The following DNAJC27 variants were observed in gnomAD, a reference collection of about 807,000 sequenced individuals.
The protein encoded by DNAJC27 is dnaJ homolog subfamily C member 27.
In DNAJC27, 25 loss-of-function variants were observed where a neutral mutation model predicts 31.4. The observed-to-expected ratio is 0.80, with a 90% confidence interval of 0.58 to 1.11. The LOEUF (loss-of-function observed/expected upper bound fraction) is 1.11, where lower values mean the gene tolerates loss of function less well. DNAJC27 is among the 50% of genes most tolerant of loss of function. The pLI, the probability that DNAJC27 is intolerant of heterozygous loss-of-function variation, is 0.00. For missense variants in DNAJC27, 356 were observed against 347.3 expected (o/e 1.02, Z -0.20); for synonymous variants, 106 against 112.7 (o/e 0.94, Z 0.37).
At position 24,951,528 on chromosome 2, in the gene DNAJC27, T is replaced by A; in HGVS notation, c.555A>T (p.Leu185Phe). The A allele has an allele frequency of 6.2e-7, 1 of 1,613,470 alleles. No individual in the cohort carries two copies. Among genetic ancestry groups the A allele is most frequent in the Non-Finnish European group, 8.5e-7 (1 of 1,179,674 alleles). Residue 185 changes from leucine (L) to phenylalanine (F), a missense_variant, in exon 6 of 7, where the codon TTA becomes TTT. Transcript: ENST00000264711. The part of the protein sequence containing the change: ...FQTFYISIVD[L>F]CENGGKRPTT... ...TAGGGCGTTTCCCGCCATTTTCACATAAATCAACTATGGATATATAAAAGG... is the reference window on the plus strand; with the variant it reads ...TAGGGCGTTTCCCGCCATTTTCACAAAAATCAACTATGGATATATAAAAGG...
Position 24,952,022 on chromosome 2 carries a change from G to A in DNAJC27, c.529-468C>T, listed in dbSNP as rs111255570. On this transcript the variant is annotated intron_variant, in intron 5 of 6. Coordinates refer to ENST00000264711, the MANE Select transcript of DNAJC27 (RefSeq NM_016544.3). Reference sequence around the variant, plus strand: ...CTCAGATACTTGGGTGGCTGAGGTCGGAGGATGCTTGAGCCCAGGAAGTGA... The same window carrying A: ...CTCAGATACTTGGGTGGCTGAGGTCAGAGGATGCTTGAGCCCAGGAAGTGA... Among the ~76,000 whole-genome samples, 1,108 of 152,230 alleles carry A rather than the reference G, an allele frequency of 7.3e-3. 9 individuals are homozygous for A. The highest frequency in any genetic ancestry group is 0.024 in the Middle Eastern group (7 of 294).
intron 2 of DNAJC27, among the ~76,000 whole-genome samples, chr2:24,964,244 C>A (rs1472173975): frequency 1.3e-5 from 2 of 151,838 alleles, no homozygotes; most frequent in Non-Finnish European, 2.9e-5. Context: ...CATAGTGAAA[C>A]CCCGTCCCTA....
intron 5 of DNAJC27, among the ~76,000 whole-genome samples, chr2:24,956,620 C>T (rs985677163): frequency 6.6e-6 from 1 of 152,126 alleles, no homozygotes; most frequent in Non-Finnish European, 1.5e-5. Flanking sequence ...ATACCATTAG[C>T]CAAAGGTAGC....
At chr2:24,950,174 T>C (rs1040854789) in intron 6 of DNAJC27, among the ~76,000 whole-genome samples, 1 of 152,108 alleles carries the variant, frequency 6.6e-6, no homozygotes, top group African/African-American at 2.4e-5. Flanking sequence ...TAAAGCATCC[T>C]CAATATCACC....
In DNAJC27 at chr2:24,964,252, C is replaced by A. The variant is rs564793929; in HGVS notation, c.171-778G>T. 2.0e-5 allele frequency among the ~76,000 whole-genome samples: 3 copies of A among 151,778 alleles called. No individual in the cohort carries two copies. The East Asian group carries it at 5.8e-4, about 29-fold the overall frequency. On this transcript the variant is annotated intron_variant, in intron 2 of 6. Transcript: ENST00000264711. ...TGGCTAACATAGTGAAACCCCGTCCCTACTAAAAAAATAAAAAAAATTAGC... is the reference window on the plus strand; with the variant it reads ...TGGCTAACATAGTGAAACCCCGTCCATACTAAAAAAATAAAAAAAATTAGC...
intron 3 of DNAJC27, 103 bp downstream of exon 3, chr2:24,963,302 A>G (rs1403198761): frequency 3.4e-6 from 3 of 893,780 alleles, no homozygotes; most frequent in African/African-American, 3.3e-5. Flanking sequence ...AAATTATGCA[A>G]TTTTACACAT....
rs1440605571 is a variant in DNAJC27 at position 24,951,390 on chromosome 2, T to C, written c.689+4A>G. The C allele has an allele frequency of 6.2e-7, 1 of 1,608,800 alleles. No individual in the cohort carries two copies. Among genetic ancestry groups the C allele is most frequent in the African/African-American group, 1.3e-5 (1 of 74,850 alleles). On this transcript the variant is annotated splice_donor_region_variant and intron_variant, in intron 6 of 6. Transcript: ENST00000264711. ...ATCAGCACTAAGTATCCCAGAGCGC[T>C]TACCTTGAGGCCCCAGGTTTGACTC...
chr2:24,963,103 TA>T (rs1422337323), intron 3 of DNAJC27: 6 of 301,208 alleles, frequency 2.0e-5, no homozygotes, highest in Non-Finnish European at 3.1e-5. Context: ...TAAATGTAAT[TA>T]TTTTTTTTTT....
rs1025507465 is a variant in DNAJC27, at chr2:24,957,857, G to A, written c.358C>T (p.Pro120Ser). The A allele has an allele frequency of 6.2e-7, 1 of 1,614,140 alleles. No individual in the cohort carries two copies. Among genetic ancestry groups the A allele is most frequent in the Non-Finnish European group, 8.5e-7 (1 of 1,180,000 alleles). ...WLAEMKQELG[P>S]HGNMENIIFV... ...ATAATATTTTCCATGTTTCCATGAGGTCCAAGCTCTTGCTTCATTTCTGCC... is the reference window on the plus strand; with the variant it reads ...ATAATATTTTCCATGTTTCCATGAGATCCAAGCTCTTGCTTCATTTCTGCC... Residue 120 changes from proline to serine, a missense_variant, in exon 4 of 7, where the codon CCT becomes TCT. Pro to Ser is a moderately conservative substitution (Grantham distance 74). Transcript: ENST00000264711.
At chr2:24,948,949 C>T (rs1665706019) in intron 6 of DNAJC27, among the ~76,000 whole-genome samples, 1 of 152,182 alleles carries the variant, frequency 6.6e-6, no homozygotes, top group Non-Finnish European at 1.5e-5. Context: ...TGTGGCTCTC[C>T]AAGTCAGATG....
At position 24,963,363 on chromosome 2, in the gene DNAJC27, C is replaced by G. The variant is rs548797143; in HGVS notation, c.240+42G>C. 9 of 1,515,200 alleles carry G rather than the reference C, an allele frequency of 5.9e-6. No individual in the cohort carries two copies. In the South Asian group the frequency reaches 9.2e-5, roughly 16 times the overall value. The allele number at this position is 1,515,200 out of a possible 1,614,324, so 93.9% of individuals were successfully genotyped here. On this transcript the variant is annotated intron_variant, in intron 3 of 6. Transcript: ENST00000264711. ...AATTCTGGATCTCTCCCCAAACCACCAACAATACTGGATATAGGTTTTGTC... is the reference window on the plus strand; with the variant it reads ...AATTCTGGATCTCTCCCCAAACCACGAACAATACTGGATATAGGTTTTGTC...
Position 24,944,303 on chromosome 2 carries a change from T to C in DNAJC27, c.*3313A>G, listed in dbSNP as rs1057400707. 3.3e-5 allele frequency: 5 copies of C among 150,438 alleles called. No homozygotes were observed. Among genetic ancestry groups the C allele is most frequent in the African/African-American group, 1.2e-4 (5 of 40,910 alleles). The allele number at this position is 150,438 out of a possible 1,614,324, so 9.3% of individuals were successfully genotyped here. A position where few individuals can be genotyped will look rare whatever the true frequency, so the allele number is the denominator to read the frequency against. On this transcript the variant is annotated 3_prime_UTR_variant, in exon 7 of 7. Transcript: ENST00000264711. ...TCCACCTTTCTAACTTTTGGCAAAA[T>C]CCCTCCCTTCCCCTTGTGATGTTGT...
At chr2:24,970,370 T>C (rs910703468) in intron 1 of DNAJC27, among the ~76,000 whole-genome samples, 2 of 152,020 alleles carry the variant, frequency 1.3e-5, no homozygotes, top group Non-Finnish European at 2.9e-5. Context: ...TTGCACTGGC[T>C]AATAAAACTA....
chr2:24,951,617 G>T, intron 5 of DNAJC27, 63 bp from the exon 6 acceptor site: 2 of 1,455,488 alleles, frequency 1.4e-6, no homozygotes, highest in Non-Finnish European at 9.4e-7. Flanking sequence ...TTCCTTTTAA[G>T]CATCAACTTA....
chr2:24,965,556 A>G (rs1666161151), intron 2 of DNAJC27, among the ~76,000 whole-genome samples: 1 of 152,174 alleles, frequency 6.6e-6, no homozygotes, highest in African/African-American at 2.4e-5. Context: ...GTGCCAAGCC[A>G]GAAATGTGAA....
intron 6 of DNAJC27, among the ~76,000 whole-genome samples, chr2:24,950,485 A>T (rs1414994882): frequency 1.3e-5 from 2 of 152,242 alleles, no homozygotes; most frequent in Non-Finnish European, 1.5e-5. Flanking sequence ...TTTTTGTACA[A>T]GCAACAAAGA....
At chr2:24,951,731 T>C (rs1257957702) in intron 5 of DNAJC27, among the ~76,000 whole-genome samples, 177 bp from the exon 6 acceptor site, 1 of 152,024 alleles carries the variant, frequency 6.6e-6, no homozygotes, top group Non-Finnish European at 1.5e-5. Flanking sequence ...TATATATTCA[T>C]ATATTTTAAT....
chr2:24,971,700 G>T, intron 1 of DNAJC27, 118 bp downstream of exon 1: 3 of 841,374 alleles, frequency 3.6e-6, no homozygotes, highest in African/African-American at 1.8e-5. Context: ...TGAGACCCGG[G>T]CCTGCTCGGG....
intron 1 of DNAJC27, 168 bp downstream of exon 1, chr2:24,971,650 A>C (rs1175300888): frequency 3.7e-6 from 2 of 537,426 alleles, no homozygotes; most frequent in Non-Finnish European, 6.5e-6. Flanking sequence ...AAAGGTCAAA[A>C]AGGTCGGGGA....
Sources: allele counts gnomAD v4.1 joint callset (sites outside exome capture counted in the v4.1 genomes callset), GRCh38; gene constraint gnomAD v4.1.1; transcripts MANE v1.5; gene names NCBI Gene and HGNC (gene_info 2026-07-23, HGNC 2026-07-21).